The following SPOCK1 variants were observed in gnomAD, a reference collection of about 807,000 sequenced individuals.
SPOCK1 encodes the protein SPARC (osteonectin), cwcv and kazal like domains proteoglycan 1.
A neutral mutation model predicts 55.3 loss-of-function variants in SPOCK1; 23 were observed. That is an observed-to-expected ratio of 0.42 (90% CI 0.30 to 0.59). The LOEUF (loss-of-function observed/expected upper bound fraction) is 0.59. Among genes scored for constraint, SPOCK1 ranks in the 20% least tolerant of loss-of-function variants. The pLI is 0.22. For missense variants in SPOCK1, 499 were observed against 552.5 expected (o/e 0.90, Z 0.97); for synonymous variants, 226 against 221.0 (o/e 1.02, Z -0.20).
intron 2 of SPOCK1, chr5:137,313,611 G>C (rs1017145718): frequency 1.1e-5 from 4 of 352,990 alleles, no homozygotes; most frequent in African/African-American, 6.6e-5. Flanking sequence ...AGAACATATT[G>C]CTACTTTGCA....
chr5:137,474,487 G>T (rs74646708), intron 2 of SPOCK1, among the ~76,000 whole-genome samples: 1 of 152,232 alleles, frequency 6.6e-6, no homozygotes, highest in East Asian at 1.9e-4. Flanking sequence ...TGCATTTAAA[G>T]TGGCTCAAAG....
At chr5:137,225,595 G>A (rs1216320727) in intron 3 of SPOCK1, among the ~76,000 whole-genome samples, 2 of 152,156 alleles carry the variant, frequency 1.3e-5, no homozygotes, top group Non-Finnish European at 2.9e-5. Flanking sequence ...TCAAATGCTA[G>A]GGCATGCCAC....
chr5:137,254,418 A>C (rs951068742), intron 3 of SPOCK1, among the ~76,000 whole-genome samples: 1 of 152,212 alleles, frequency 6.6e-6, no homozygotes, highest in East Asian at 1.9e-4. Flanking sequence ...AAAAATTTAT[A>C]AACTCCACCT....
intron 3 of SPOCK1, among the ~76,000 whole-genome samples, chr5:137,257,050 C>T (rs968218272): frequency 1.3e-5 from 2 of 152,200 alleles, no homozygotes; most frequent in African/African-American, 4.8e-5. Context: ...CTGCTCTCTG[C>T]CAGTGGCATG....
At chr5:137,242,294 A>C (rs1257820982) in intron 3 of SPOCK1, among the ~76,000 whole-genome samples, 2 of 152,140 alleles carry the variant, frequency 1.3e-5, no homozygotes, top group Non-Finnish European at 1.5e-5. Flanking sequence ...GAGGTAATTG[A>C]ATCATGAGGG....
chr5:137,150,406 C>T (rs1489490671), intron 3 of SPOCK1, among the ~76,000 whole-genome samples: 1 of 152,134 alleles, frequency 6.6e-6, no homozygotes, highest in African/African-American at 2.4e-5. Context: ...GTTCACACAA[C>T]AGAGCCTTGT....
intron 9 of SPOCK1, among the ~76,000 whole-genome samples, chr5:136,984,589 G>A (rs921742342): frequency 2.0e-5 from 3 of 152,116 alleles, no homozygotes; most frequent in Non-Finnish European, 4.4e-5. Flanking sequence ...TGCATGTTAG[G>A]GGAACACACA....
chr5:137,399,375 G>C (rs1193721567), intron 2 of SPOCK1, among the ~76,000 whole-genome samples: 28 of 149,008 alleles, frequency 1.9e-4, no homozygotes, highest in African/African-American at 7.0e-4. Context: ...TGTTGTTGTT[G>C]TTGTTGTTGT....
chr5:137,389,683 AG>A (rs747289901), intron 2 of SPOCK1, among the ~76,000 whole-genome samples: 4 of 152,246 alleles, frequency 2.6e-5, no homozygotes, highest in Admixed American at 2.0e-4. Context: ...GTTCACAACC[AG>A]GTCTCCAAGA....
intron 5 of SPOCK1, among the ~76,000 whole-genome samples, chr5:137,080,309 C>CTTAAGAGGTTAA (rs1752859353): frequency 6.6e-6 from 1 of 152,198 alleles, no homozygotes; most frequent in Admixed American, 6.5e-5. Flanking sequence ...AGTCTGTGCT[C>CTTAAGAGGTTAA]TTAAGAGGTT....
At chr5:137,345,640 A>AT (rs1416886331) in intron 2 of SPOCK1, among the ~76,000 whole-genome samples, 1 of 152,174 alleles carries the variant, frequency 6.6e-6, no homozygotes, top group African/African-American at 2.4e-5. Context: ...AAACTTTCCC[A>AT]AAATGTGGTC....
chr5:137,300,944 G>A (rs1056183149), intron 2 of SPOCK1, among the ~76,000 whole-genome samples: 2 of 152,114 alleles, frequency 1.3e-5, no homozygotes, highest in Non-Finnish European at 2.9e-5. Context: ...AGGTTCTGGT[G>A]GCCACTGGGT....
chr5:137,363,953 G>C (rs1580887047), intron 2 of SPOCK1, among the ~76,000 whole-genome samples: 1 of 152,158 alleles, frequency 6.6e-6, no homozygotes, highest in Non-Finnish European at 1.5e-5. Context: ...GGCAGTAAAA[G>C]TGAGCAGTGA....
intron 3 of SPOCK1, among the ~76,000 whole-genome samples, chr5:137,239,609 A>G (rs781441033): frequency 3.3e-5 from 5 of 152,198 alleles, no homozygotes; most frequent in Non-Finnish European, 7.3e-5. Flanking sequence ...ATAGTGTCAG[A>G]ATTGAACTGA....
intron 2 of SPOCK1, among the ~76,000 whole-genome samples, chr5:137,447,020 T>G (rs12109039): frequency 0.22 from 33,939 of 152,200 alleles, 4,034 homozygotes; most frequent in Admixed American, 0.33. Flanking sequence ...TCCACTTGTA[T>G]GTATACACCA....
intron 2 of SPOCK1, among the ~76,000 whole-genome samples, chr5:137,271,221 T>G (rs984211703): frequency 1.7e-4 from 26 of 151,764 alleles, no homozygotes; most frequent in Admixed American, 1.2e-3. Context: ...TTTATCTCAC[T>G]TATTAAATAT....
At chr5:137,313,106 G>A (rs1757818106) in intron 2 of SPOCK1, among the ~76,000 whole-genome samples, 1 of 152,120 alleles carries the variant, frequency 6.6e-6, no homozygotes, top group South Asian at 2.1e-4. Context: ...CAGAGGGTGG[G>A]GTTAAGTTAC....
intron 5 of SPOCK1, among the ~76,000 whole-genome samples, chr5:137,075,334 C>G (rs1323163623): frequency 1.3e-5 from 2 of 152,202 alleles, no homozygotes; most frequent in Admixed American, 1.3e-4. Flanking sequence ...TTGCCACTCT[C>G]AGGTGTTGCA....
intron 3 of SPOCK1, among the ~76,000 whole-genome samples, chr5:137,265,927 C>T (rs770878743): frequency 3.3e-5 from 5 of 152,170 alleles, no homozygotes; most frequent in Non-Finnish European, 7.3e-5. Context: ...TGGCTTGGTG[C>T]TTGTGCATAC....
Sources: gnomAD v4.1 joint callset for allele counts (sites outside exome capture counted in the v4.1 genomes callset) on GRCh38, gnomAD v4.1.1 for gene constraint, MANE v1.5 for transcripts, NCBI Gene and HGNC (gene_info 2026-07-23, HGNC 2026-07-21) for gene names.